Variants in AGR3 observed in about 807,000 individuals in gnomAD.
AGR3 encodes the protein anterior gradient protein 3.
In AGR3, 37 loss-of-function variants were observed where a neutral mutation model predicts 24.5. That is an observed-to-expected ratio of 1.51 (90% CI 1.16 to 1.99). AGR3 has a LOEUF of 1.99. Ranked by LOEUF, AGR3 falls within the 30% of genes most tolerant of loss-of-function variation. AGR3 has a pLI of 0.00. For missense variants in AGR3, 228 were observed against 191.1 expected, an observed-to-expected ratio of 1.19 and a Z score of -1.14; for synonymous variants, 75 against 61.6, an observed-to-expected ratio of 1.22 and a Z score of -1.02.
At chr7:16,879,734 T>C (rs1782065875) in intron 1 of AGR3, among the ~76,000 whole-genome samples, 1 of 152,244 alleles carries the variant, frequency 6.6e-6, no homozygotes, top group Non-Finnish European at 1.5e-5. Context: ...GTTGCTATAT[T>C]TTATTGTAGT....
downstream of AGR3, among the ~76,000 whole-genome samples, chr7:16,858,906 T>G (rs896091153): frequency 1.3e-5 from 2 of 151,984 alleles, no homozygotes; most frequent in Admixed American, 6.6e-5. Context: ...GTAGTTGAAT[T>G]TTTAAAATAT....
intron 6 of AGR3, among the ~76,000 whole-genome samples, chr7:16,861,177 G>A (rs1175734014): frequency 6.6e-6 from 1 of 152,136 alleles, no homozygotes; most frequent in Non-Finnish European, 1.5e-5. Flanking sequence ...AGATTTAATA[G>A]CATACATGCT....
chr7:16,859,210 C>T (rs11523682), downstream of AGR3, among the ~76,000 whole-genome samples: 1 of 150,016 alleles, frequency 6.7e-6, no homozygotes, highest in Non-Finnish European at 1.5e-5. Context: ...CCAGCCTGGG[C>T]AACATAGTGA....
intron 3 of AGR3, among the ~76,000 whole-genome samples, chr7:16,868,644 T>C (rs1054338645): frequency 7.2e-5 from 11 of 152,302 alleles, no homozygotes; most frequent in Middle Eastern, 3.4e-3. Flanking sequence ...GTACAGAAGC[T>C]TTTTAGTTTG....
chr7:16,858,562 A>G (rs903684574), downstream of AGR3, among the ~76,000 whole-genome samples: 3 of 152,186 alleles, frequency 2.0e-5, no homozygotes, highest in Admixed American at 6.5e-5. Context: ...GTTTTAAAGT[A>G]TCTACCCAAT....
At chr7:16,874,473 A>G (rs1008571679) in intron 2 of AGR3, among the ~76,000 whole-genome samples, 3 of 152,158 alleles carry the variant, frequency 2.0e-5, no homozygotes, top group Non-Finnish European at 2.9e-5. Context: ...AAGAAATGGT[A>G]TGAATAGTTG....
At chr7:16,862,171 G>T (rs1412127470) in intron 4 of AGR3, 111 bp from the exon 5 acceptor site, 2 of 818,530 alleles carry the variant, frequency 2.4e-6, no homozygotes, top group Non-Finnish European at 4.0e-6. Context: ...TAACTCAGGT[G>T]TAAATATTAA....
intron 3 of AGR3, among the ~76,000 whole-genome samples, chr7:16,869,786 T>A (rs1021002221): frequency 6.6e-6 from 1 of 151,644 alleles, no homozygotes; most frequent in Non-Finnish European, 1.5e-5. Flanking sequence ...CAAAGTTTTA[T>A]TTCTATACTT....
rs1305469927 is a variant in AGR3, at chr7:16,873,765, T to C, written c.173+15A>G. ...TACAAATAAAAGGAAAAAAATGAGCTGAGAAGCATGTTACCTTTTTTGAGC... is the reference window on the plus strand; with the variant it reads ...TACAAATAAAAGGAAAAAAATGAGCCGAGAAGCATGTTACCTTTTTTGAGC... On this transcript the variant is annotated intron_variant, in intron 3 of 7. Coordinates refer to ENST00000310398, the MANE Select transcript of AGR3 (RefSeq NM_176813.5). 6.3e-7 allele frequency: 1 copy of C among 1,589,846 alleles called. No individual in the cohort carries two copies. Among genetic ancestry groups the C allele is most frequent in the Non-Finnish European group, 8.6e-7 (1 of 1,158,512 alleles).
downstream of AGR3, among the ~76,000 whole-genome samples, chr7:16,855,725 C>T (rs1781549123): frequency 6.6e-6 from 1 of 152,194 alleles, no homozygotes. Flanking sequence ...CATGAATATA[C>T]ATATTGCATA....
chr7:16,859,439 A>C lies in AGR3; in HGVS notation c.*143T>G. On this transcript the variant is annotated 3_prime_UTR_variant, in exon 8 of 8. Coordinates refer to ENST00000310398, the MANE Select transcript of AGR3 (RefSeq NM_176813.5). Reference sequence around the variant, plus strand: ...AGATTTAAAAAACATTTATTTTAATAAGACTATTGCAAACACATTAAAAAA... The same window carrying C: ...AGATTTAAAAAACATTTATTTTAATCAGACTATTGCAAACACATTAAAAAA... 1.7e-6 allele frequency: 1 copy of C among 597,104 alleles called. No individual in the cohort carries two copies. Among genetic ancestry groups the C allele is most frequent in the Non-Finnish European group, 2.9e-6 (1 of 342,596 alleles). The allele number at this position is 597,104 out of a possible 1,614,324, so 37.0% of individuals were successfully genotyped here.
intron 3 of AGR3, among the ~76,000 whole-genome samples, chr7:16,869,506 T>C (rs1426286644): frequency 2.6e-5 from 4 of 152,086 alleles, no homozygotes; most frequent in African/African-American, 9.7e-5. Context: ...GGTAGGAGGA[T>C]TGCTTGAGCT....
Position 16,866,629 on chromosome 7 carries a change from T to G in AGR3, c.174-3967A>C, listed in dbSNP as rs569012888. Among the ~76,000 whole-genome samples the G allele has an allele frequency of 5.9e-5, 9 of 151,618 alleles. 1 individual carries two copies. In the South Asian group the frequency reaches 1.9e-3, roughly 31 times the overall value. ...ATTCTCACTAAAGCTGGTTATTAGT[T>G]TAAATTTTTTTTATCCAACAGGTGA... On this transcript the variant is annotated intron_variant, in intron 3 of 7. Coordinates refer to ENST00000310398, the MANE Select transcript of AGR3 (RefSeq NM_176813.5).
intron 7 of AGR3, among the ~76,000 whole-genome samples, chr7:16,860,149 G>A (rs568662383): frequency 3.3e-5 from 5 of 152,040 alleles, no homozygotes; most frequent in African/African-American, 4.8e-5. Context: ...CTTGCTTATA[G>A]GCATTAAAGA....
At chr7:16,858,044 A>G (rs1205282804), downstream of AGR3, among the ~76,000 whole-genome samples, 1 of 151,304 alleles carries the variant, frequency 6.6e-6, no homozygotes, top group African/African-American at 2.4e-5. Flanking sequence ...CTGGAGTGCA[A>G]TGGAACGATC....
intron 2 of AGR3, among the ~76,000 whole-genome samples, chr7:16,874,112 G>C (rs1233272112): frequency 6.6e-6 from 1 of 152,196 alleles, no homozygotes; most frequent in Non-Finnish European, 1.5e-5. Flanking sequence ...GTTATGATTA[G>C]AGCTGATTGA....
intron 2 of AGR3, among the ~76,000 whole-genome samples, chr7:16,877,814 G>A (rs1475260584): frequency 6.8e-6 from 1 of 146,596 alleles, no homozygotes; most frequent in African/African-American, 2.5e-5. Context: ...AGTGAGCCAA[G>A]ATCGTGCCAC....
chr7:16,859,073 A>G (rs963991965), downstream of AGR3, among the ~76,000 whole-genome samples: 1 of 152,022 alleles, frequency 6.6e-6, no homozygotes, highest in African/African-American at 2.4e-5. Context: ...CAGGTATGGT[A>G]CAGGGGAGGA....
At position 16,861,998 on chromosome 7, in the gene AGR3, T is replaced by C. The variant is rs766161065; in HGVS notation, c.289A>G (p.Met97Val). Residue 97 changes from methionine to valine, a missense_variant, in exon 5 of 8, where the codon ATG becomes GTG. Met to Val is a conservative substitution (Grantham distance 21). Transcript: ENST00000310398. ...AGTTTATGTACCATAAGGTTTAGCA[T>C]GATGAACTTATTCTGAGCCATTTCT... Reference protein sequence around the residue: ...IQEMAQNKFIMLNLMHETTDK... With the variant: ...IQEMAQNKFIVLNLMHETTDK... 1.4e-5 allele frequency: 22 copies of C among 1,612,508 alleles called. No homozygotes were observed. The highest frequency in any genetic ancestry group is 1.6e-4 in the Middle Eastern group (1 of 6,074).
Sources: gnomAD v4.1 joint callset for allele counts (sites outside exome capture counted in the v4.1 genomes callset) on GRCh38, gnomAD v4.1.1 for gene constraint, MANE v1.5 for transcripts, NCBI Gene and HGNC (gene_info 2026-07-23, HGNC 2026-07-21) for gene names.